The following SLIT2 variants were observed in gnomAD, a reference collection of about 807,000 sequenced individuals.
SLIT2 encodes slit homolog 2 protein.
In SLIT2, 41 loss-of-function variants were observed where a neutral mutation model predicts 185.7. The ratio of observed to expected loss-of-function variants is 0.22; its 90% CI spans 0.17 to 0.29. SLIT2 has a LOEUF of 0.29. SLIT2 is among the 10% of genes least tolerant of loss of function. SLIT2 has a pLI of 1.00. For missense variants in SLIT2, 1,571 were observed against 1,909.0 expected (o/e 0.82, Z 3.30); for synonymous variants, 693 against 680.2 (o/e 1.02, Z -0.29).
Position 20,619,107 on chromosome 4 carries a change from G to T in SLIT2, c.*98G>T. ...ATAGTGGAAATATTTGAAATATATT[G>T]TAAAATACAGAACAGACTTATTTTT... On this transcript the variant is annotated 3_prime_UTR_variant, in exon 37 of 37. Transcript: ENST00000504154. The T allele has an allele frequency of 8.1e-7, 1 of 1,240,704 alleles. No homozygotes were observed. Among genetic ancestry groups the T allele is most frequent in the Non-Finnish European group, 1.1e-6 (1 of 894,994 alleles). The allele number at this position is 1,240,704 out of a possible 1,614,324, so 76.9% of individuals were successfully genotyped here.
At chr4:20,458,069 T>C (rs1713279314) in intron 4 of SLIT2, among the ~76,000 whole-genome samples, 1 of 144,530 alleles carries the variant, frequency 6.9e-6, no homozygotes, top group Non-Finnish European at 1.5e-5. Context: ...GTTCCAGACC[T>C]GTCCCAGTAC....
At chr4:20,516,275 A>G (rs539733704) in intron 11 of SLIT2, among the ~76,000 whole-genome samples, 2 of 152,318 alleles carry the variant, frequency 1.3e-5, no homozygotes, top group East Asian at 1.9e-4. Flanking sequence ...AAATTTCCCT[A>G]TTGTTCAAAA....
At chr4:20,494,516 C>A (rs1718052499) in intron 9 of SLIT2, among the ~76,000 whole-genome samples, 1 of 152,150 alleles carries the variant, frequency 6.6e-6, no homozygotes, top group Non-Finnish European at 1.5e-5. Context: ...GTGGCTCACG[C>A]CTGTAATCCC....
At chr4:20,517,308 G>C (rs1012338510) in intron 11 of SLIT2, among the ~76,000 whole-genome samples, 1 of 152,102 alleles carries the variant, frequency 6.6e-6, no homozygotes, top group African/African-American at 2.4e-5. Flanking sequence ...ACCAACCTTA[G>C]AATCTGGCAA....
intron 29 of SLIT2, chr4:20,573,167 T>C: frequency 1.4e-6 from 1 of 702,736 alleles, no homozygotes; most frequent in Middle Eastern, 2.3e-4. Context: ...CGCATTGGCT[T>C]CCTGTGCTCT....
rs181612924 is a variant in SLIT2, at chr4:20,486,020, A to G, written c.540-180A>G. Among the ~76,000 whole-genome samples, 125 of 152,322 alleles carry G rather than the reference A, an allele frequency of 8.2e-4. 2 individuals carry two copies. In the East Asian group the frequency reaches 0.021, roughly 26 times the overall value. On this transcript the variant is annotated intron_variant, in intron 6 of 36. Coordinates refer to ENST00000504154, the MANE Select transcript of SLIT2 (RefSeq NM_004787.4). The stretch of plus-strand genomic sequence containing the variant: ...GTTGAATAAAACAAAATGTACAGTA[A>G]TATGTTAAATTATGAAATTATTTAT...
chr4:20,455,596 A>T (rs530725559), intron 4 of SLIT2, among the ~76,000 whole-genome samples: 93 of 152,270 alleles, frequency 6.1e-4, no homozygotes, highest in African/African-American at 2.2e-3. Context: ...ATGGAATATT[A>T]TTGAGCGATA....
chr4:20,293,981 C>T (rs1156295030), intron 4 of SLIT2, among the ~76,000 whole-genome samples: 1 of 151,886 alleles, frequency 6.6e-6, no homozygotes, highest in Non-Finnish European at 1.5e-5. Flanking sequence ...TATTTAAAGA[C>T]ACCTACCTGA....
chr4:20,477,009 G>A (rs1452309957), intron 5 of SLIT2, among the ~76,000 whole-genome samples: 1 of 151,904 alleles, frequency 6.6e-6, no homozygotes, highest in Non-Finnish European at 1.5e-5. Context: ...AGAACTTTTT[G>A]CACGTGAGGC....
At chr4:20,274,092 C>A (rs1577352875) in intron 4 of SLIT2, among the ~76,000 whole-genome samples, 1 of 152,100 alleles carries the variant, frequency 6.6e-6, no homozygotes, top group Non-Finnish European at 1.5e-5. Flanking sequence ...TCGAAGGTGG[C>A]GTCTGTGTTC....
At chr4:20,540,868 G>A (rs1490608929) in intron 19 of SLIT2, among the ~76,000 whole-genome samples, 1 of 152,200 alleles carries the variant, frequency 6.6e-6, no homozygotes, top group Non-Finnish European at 1.5e-5. Context: ...TTATGCTGAA[G>A]TGGTGAGATG....
chr4:20,451,279 A>AT (rs1171137259), intron 4 of SLIT2, among the ~76,000 whole-genome samples: 2 of 152,194 alleles, frequency 1.3e-5, no homozygotes, highest in Non-Finnish European at 2.9e-5. Context: ...GGATAAATAA[A>AT]AACTTTACAT....
At chr4:20,613,935 G>A (rs925983886) in intron 34 of SLIT2, among the ~76,000 whole-genome samples, 6 of 152,214 alleles carry the variant, frequency 3.9e-5, no homozygotes, top group East Asian at 3.9e-4. Context: ...GCAATGGCAC[G>A]ATTTTGGCTC....
intron 6 of SLIT2, among the ~76,000 whole-genome samples, chr4:20,485,161 A>G (rs543813005): frequency 2.6e-4 from 39 of 152,260 alleles, no homozygotes; most frequent in South Asian, 1.7e-3. Context: ...CTTTACTTGT[A>G]TACCCCCCGG....
intron 12 of SLIT2, among the ~76,000 whole-genome samples, chr4:20,520,088 C>T (rs918235482): frequency 2.0e-5 from 3 of 149,230 alleles, no homozygotes; most frequent in African/African-American, 7.4e-5. Context: ...CAACTTTTGT[C>T]CAGAGAATCT....
In SLIT2 at chr4:20,472,246, C is replaced by G. The variant is rs1397674336; in HGVS notation, c.467+4423C>G. On this transcript the variant is annotated intron_variant, in intron 5 of 36. Transcript: ENST00000504154. ...TGTATATATATATAGATCTATATATCTATATATAGATCTATATATAGATAT... is the reference window on the plus strand; with the variant it reads ...TGTATATATATATAGATCTATATATGTATATATAGATCTATATATAGATAT... Among the ~76,000 whole-genome samples the G allele has an allele frequency of 1.0e-4, 4 of 39,696 alleles. No homozygotes were observed. The East Asian group carries it at 3.2e-3, about 31-fold the overall frequency. 26.0% of individuals were successfully genotyped at this position (39,696 alleles called of 152,430 possible). A position where few individuals can be genotyped will look rare whatever the true frequency, so the allele number is the denominator to read the frequency against.
At chr4:20,329,448 A>G (rs1719881741) in intron 4 of SLIT2, among the ~76,000 whole-genome samples, 1 of 152,000 alleles carries the variant, frequency 6.6e-6, no homozygotes, top group Non-Finnish European at 1.5e-5. Context: ...TTGTTTTACC[A>G]CAGGTGTTTG....
chr4:20,276,992 A>G (rs970754058), intron 4 of SLIT2, among the ~76,000 whole-genome samples: 1 of 152,218 alleles, frequency 6.6e-6, no homozygotes, highest in East Asian at 1.9e-4. Context: ...CGATGGGAAA[A>G]TTGGACTGGA....
At chr4:20,285,233 T>G (rs573266821) in intron 4 of SLIT2, among the ~76,000 whole-genome samples, 7 of 152,226 alleles carry the variant, frequency 4.6e-5, no homozygotes, top group African/African-American at 1.4e-4. Context: ...AGTGAGACAA[T>G]GATGAGGCCT....
Sources: allele counts gnomAD v4.1 joint callset (sites outside exome capture counted in the v4.1 genomes callset), GRCh38; gene constraint gnomAD v4.1.1; transcripts MANE v1.5; gene names NCBI Gene and HGNC (gene_info 2026-07-23, HGNC 2026-07-21).